The following ZFAT variants were observed in gnomAD, a reference collection of about 807,000 sequenced individuals.
ZFAT encodes the protein zinc finger and AT-hook domain containing.
Under a neutral mutation model 117.7 loss-of-function variants are expected in ZFAT, and 64 were observed. That is an observed-to-expected ratio of 0.54 (90% CI 0.44 to 0.67). The LOEUF (loss-of-function observed/expected upper bound fraction) is 0.67. Among genes scored for constraint, ZFAT ranks in the 30% least tolerant of loss-of-function variants. The pLI, the probability that ZFAT is intolerant of heterozygous loss-of-function variation, is 0.00. For missense variants in ZFAT, 1,433 were observed against 1,584.5 expected (o/e 0.90, Z 1.62); for synonymous variants, 679 against 615.0 (o/e 1.10, Z -1.54).
intron 3 of ZFAT, among the ~76,000 whole-genome samples, chr8:134,629,098 G>T (rs1586847964): frequency 6.6e-6 from 1 of 152,328 alleles, no homozygotes; most frequent in East Asian, 1.9e-4. Context: ...GGGAAGGATT[G>T]AAGTGATATT....
chr8:134,533,014 G>T, intron 11 of ZFAT, 42 bp from the exon 12 acceptor site: 1 of 1,570,560 alleles, frequency 6.4e-7, no homozygotes, highest in South Asian at 1.2e-5. Flanking sequence ...GTGAGCCCCA[G>T]ATGTCTGCCT....
chr8:134,625,617 T>C (rs1829445511), intron 3 of ZFAT, among the ~76,000 whole-genome samples: 1 of 152,176 alleles, frequency 6.6e-6, no homozygotes, highest in Non-Finnish European at 1.5e-5. Context: ...TTACTCAACT[T>C]TGATCCCCAA....
the ZFAT span, among the ~76,000 whole-genome samples, chr8:134,790,636 ATATATG>A: frequency 6.6e-6 from 1 of 152,144 alleles, no homozygotes; most frequent in Admixed American, 6.5e-5. Context: ...CTCCTAAAAT[ATATATG>A]TATATTGGAT....
chr8:134,582,137 A>G (rs1825755317), intron 10 of ZFAT, among the ~76,000 whole-genome samples: 1 of 152,244 alleles, frequency 6.6e-6, no homozygotes, highest in Admixed American at 6.5e-5. Context: ...TCAGAGAATC[A>G]TGACAGAGAG....
At chr8:134,722,677 C>G in the ZFAT span, among the ~76,000 whole-genome samples, 1 of 152,204 alleles carries the variant, frequency 6.6e-6, no homozygotes, top group African/African-American at 2.4e-5. Flanking sequence ...GGTCACACCA[C>G]AGGATAAGCA....
intron 1 of ZFAT, among the ~76,000 whole-genome samples, chr8:134,663,777 A>G (rs1022854893): frequency 1.3e-5 from 2 of 152,188 alleles, no homozygotes; most frequent in African/African-American, 4.8e-5. Context: ...ATTTTCTACA[A>G]TGAGTCTAAA....
the ZFAT span, among the ~76,000 whole-genome samples, chr8:134,724,690 G>T: frequency 6.6e-6 from 1 of 151,840 alleles, no homozygotes; most frequent in Non-Finnish European, 1.5e-5. Flanking sequence ...GCCTGCCCTG[G>T]GTATCATTCT....
chr8:134,755,156 C>T, the ZFAT span, among the ~76,000 whole-genome samples: 1 of 151,566 alleles, frequency 6.6e-6, no homozygotes, highest in African/African-American at 2.4e-5. Context: ...GTAATCCTAA[C>T]ACTTTGGGAG....
the ZFAT span, among the ~76,000 whole-genome samples, chr8:134,727,357 C>T: frequency 6.6e-5 from 10 of 152,144 alleles, no homozygotes; most frequent in Non-Finnish European, 1.5e-4. Context: ...CAGGACACTG[C>T]TGTGTTTGAG....
chr8:134,565,094 T>C (rs555528995), intron 11 of ZFAT: 25 of 1,488,776 alleles, frequency 1.7e-5, no homozygotes, highest in Non-Finnish European at 2.2e-5. Flanking sequence ...TTTTCTTCTG[T>C]CTGCATCCTC....
chr8:134,673,879 G>A (rs1353126530), intron 1 of ZFAT, among the ~76,000 whole-genome samples: 5 of 152,204 alleles, frequency 3.3e-5, no homozygotes, highest in African/African-American at 1.2e-4. Flanking sequence ...TTGAGAGGCC[G>A]AGGTGGGCAG....
intron 3 of ZFAT, among the ~76,000 whole-genome samples, chr8:134,627,764 C>G (rs1829615825): frequency 6.6e-6 from 1 of 152,228 alleles, no homozygotes; most frequent in Non-Finnish European, 1.5e-5. Flanking sequence ...GTGCCCGGCA[C>G]TGTTCTGAAT....
chr8:134,509,756 A>T lies in ZFAT; in HGVS notation c.3362-7T>A. On this transcript the variant is annotated splice_polypyrimidine_tract_variant and splice_region_variant and intron_variant, in intron 14 of 15. Transcript: ENST00000377838. ...GTGGGGTCCAGTCGGTCGCCTTAAGAGGAAGAAGCAAAGAGGACACCATTC... is the reference window on the plus strand; with the variant it reads ...GTGGGGTCCAGTCGGTCGCCTTAAGTGGAAGAAGCAAAGAGGACACCATTC... 1 of 1,592,740 alleles carries T rather than the reference A, an allele frequency of 6.3e-7. No homozygotes were observed. The highest frequency in any genetic ancestry group is 8.5e-7 in the Non-Finnish European group (1 of 1,171,956).
chr8:134,824,327 G>A, the ZFAT span, among the ~76,000 whole-genome samples: 2 of 152,146 alleles, frequency 1.3e-5, no homozygotes, highest in South Asian at 2.1e-4. Context: ...GTTGGAGCTA[G>A]GGAAAGAAAA....
intron 1 of ZFAT, among the ~76,000 whole-genome samples, chr8:134,691,386 C>T (rs1242944401): frequency 6.6e-6 from 1 of 152,278 alleles, no homozygotes; most frequent in Admixed American, 6.5e-5. Flanking sequence ...TCCGCTGCAG[C>T]GGGCGCCTCC....
chr8:134,521,674 T>C (rs561353361), intron 12 of ZFAT, among the ~76,000 whole-genome samples: 1 of 152,232 alleles, frequency 6.6e-6, no homozygotes, highest in Non-Finnish European at 1.5e-5. Context: ...AAAGAATATC[T>C]TTCTACAATT....
intron 3 of ZFAT, among the ~76,000 whole-genome samples, chr8:134,612,465 T>C (rs1722841781): frequency 6.6e-6 from 1 of 152,208 alleles, no homozygotes; most frequent in Non-Finnish European, 1.5e-5. Flanking sequence ...TGGAGGAGTA[T>C]TCTTTCTTAG....
At chr8:134,754,875 T>C in the ZFAT span, among the ~76,000 whole-genome samples, 37 of 152,142 alleles carry the variant, frequency 2.4e-4, no homozygotes, top group African/African-American at 8.7e-4. Flanking sequence ...TCTTCGCCAA[T>C]GGCTTCAGCT....
chr8:134,781,019 A>T, the ZFAT span, among the ~76,000 whole-genome samples: 1 of 152,114 alleles, frequency 6.6e-6, no homozygotes, highest in Non-Finnish European at 1.5e-5. Context: ...TTTAAAGATA[A>T]GGTTTTGTGG....
Sources: allele counts gnomAD v4.1 joint callset (sites outside exome capture counted in the v4.1 genomes callset), GRCh38; gene constraint gnomAD v4.1.1; transcripts MANE v1.5; gene names NCBI Gene and HGNC (gene_info 2026-07-23, HGNC 2026-07-21).